IL1RAPL2: variants seen among roughly 807,000 people sequenced by gnomAD.
IL1RAPL2 encodes interleukin 1 receptor accessory protein like 2.
In IL1RAPL2, 3 loss-of-function variants were observed where a neutral mutation model predicts 44.1. The ratio of observed to expected loss-of-function variants is 0.07; its 90% CI spans 0.03 to 0.18. The LOEUF (loss-of-function observed/expected upper bound fraction) is 0.18, where lower values mean the gene tolerates loss of function less well. IL1RAPL2 is among the 10% of genes least tolerant of loss of function. The pLI is 1.00. For missense variants in IL1RAPL2, 391 were observed against 496.4 expected (o/e 0.79, Z 2.02); for synonymous variants, 181 against 178.8 (o/e 1.01, Z -0.10).
intron 2 of IL1RAPL2, among the ~76,000 whole-genome samples, chrX:104,820,245 A>G (rs181660967): frequency 3.1e-4 from 35 of 111,703 alleles, no homozygotes; most frequent in Non-Finnish European, 5.6e-4. Context: ...CTGGTTTTAA[A>G]CATCCGTTGT....
At chrX:104,984,355 A>C (rs2030521088) in intron 2 of IL1RAPL2, among the ~76,000 whole-genome samples, 1 of 111,649 alleles carries the variant, frequency 9.0e-6, no homozygotes, top group Non-Finnish European at 1.9e-5. Flanking sequence ...AAACCTCCCC[A>C]CTAGCTGCTT....
intron 5 of IL1RAPL2, among the ~76,000 whole-genome samples, chrX:105,415,499 A>T (rs1262612145): frequency 8.9e-6 from 1 of 112,025 alleles, no homozygotes; most frequent in Non-Finnish European, 1.9e-5. Context: ...TGCAACAGGA[A>T]CATGAAATTT....
chrX:104,621,843 T>C (rs1199501288), intron 1 of IL1RAPL2, among the ~76,000 whole-genome samples: 3 of 111,915 alleles, frequency 2.7e-5, no homozygotes, highest in Non-Finnish European at 5.6e-5. Flanking sequence ...CTTTCTCATA[T>C]GCTGTCAATG....
At chrX:104,729,623 C>T (rs1027565280) in intron 2 of IL1RAPL2, among the ~76,000 whole-genome samples, 4 of 108,297 alleles carry the variant, frequency 3.7e-5, no homozygotes, top group Non-Finnish European at 7.6e-5. Context: ...AAGCATAGTA[C>T]CCAATAGTTT....
At chrX:104,700,731 G>A (rs1414367570) in intron 2 of IL1RAPL2, among the ~76,000 whole-genome samples, 2 of 111,259 alleles carry the variant, frequency 1.8e-5, no homozygotes, top group African/African-American at 3.3e-5. Context: ...GATTATAAAA[G>A]ATGGCTTTCA....
chrX:105,611,132 T>C (rs1036950555), intron 6 of IL1RAPL2, among the ~76,000 whole-genome samples: 1 of 111,756 alleles, frequency 8.9e-6, no homozygotes, highest in African/African-American at 3.2e-5. Flanking sequence ...ACTAAAAATT[T>C]GAAAACAGAA....
chrX:105,619,206 A>T (rs2037401957), intron 6 of IL1RAPL2, among the ~76,000 whole-genome samples: 1 of 109,527 alleles, frequency 9.1e-6, no homozygotes, highest in South Asian at 4.0e-4. Flanking sequence ...TGAAACAGGG[A>T]AAAAAGGGTA....
intron 2 of IL1RAPL2, among the ~76,000 whole-genome samples, chrX:105,181,275 T>C (rs907446286): frequency 2.7e-5 from 3 of 112,160 alleles, no homozygotes; most frequent in Non-Finnish European, 3.8e-5. Context: ...ATCCAACTTT[T>C]CATTTTGTTG....
intron 2 of IL1RAPL2, among the ~76,000 whole-genome samples, chrX:104,674,393 G>T: frequency 8.9e-6 from 1 of 111,772 alleles, no homozygotes; most frequent in Non-Finnish European, 1.9e-5. Flanking sequence ...TTATATGCTA[G>T]ATTATTTATT....
rs1190622752 is a variant in IL1RAPL2, at chrX:105,225,206, C to T, written c.357-8612C>T. ...AAATGGATTGCTACATATATATGTA[C>T]TGTATACTTTTTTCTTGAGTAGGTT... On this transcript the variant is annotated intron_variant, in intron 3 of 10. Transcript: ENST00000372582. Among the ~76,000 whole-genome samples, 5 of 111,848 alleles carry T rather than the reference C, an allele frequency of 4.5e-5. No individual in the cohort carries two copies. In the East Asian group the frequency reaches 1.4e-3, roughly 31 times the overall value.
At chrX:105,592,985 G>A (rs767011919) in intron 6 of IL1RAPL2, among the ~76,000 whole-genome samples, 11 of 111,894 alleles carry the variant, frequency 9.8e-5, no homozygotes, top group Non-Finnish European at 2.1e-4. Context: ...CTCTAATGAG[G>A]TTGGGGAAAT....
chrX:105,647,583 G>T (rs2037615675), intron 6 of IL1RAPL2, among the ~76,000 whole-genome samples: 1 of 112,248 alleles, frequency 8.9e-6, no homozygotes, highest in African/African-American at 3.2e-5. Context: ...ACCTTCAGCA[G>T]CTAGGCTTAG....
In IL1RAPL2 at chrX:104,703,559, G is replaced by T. The variant is rs186202075; in HGVS notation, c.82+44564G>T. ...CTGTATCACCAGCACCTAGTAAAAA[G>T]CCTGTTCATAAATGTTCTATAAATG... On this transcript the variant is annotated intron_variant, in intron 2 of 10. Transcript: ENST00000372582. Among the ~76,000 whole-genome samples, 3 of 112,139 alleles carry T rather than the reference G, an allele frequency of 2.7e-5. 1 individual carries two copies. The South Asian group carries it at 1.1e-3, about 41-fold the overall frequency.
At chrX:104,609,791 G>T (rs1431341750) in intron 1 of IL1RAPL2, among the ~76,000 whole-genome samples, 2 of 111,728 alleles carry the variant, frequency 1.8e-5, no homozygotes, top group Non-Finnish European at 3.8e-5. Context: ...CCATGGGTTA[G>T]AACATGCTCC....
intron 4 of IL1RAPL2, among the ~76,000 whole-genome samples, chrX:105,256,431 C>A (rs1221422546): frequency 2.8e-5 from 3 of 108,894 alleles, no homozygotes; most frequent in Non-Finnish European, 5.7e-5. Flanking sequence ...TGGATTCAAG[C>A]AATTCTCCTA....
chrX:104,903,788 A>C (rs949070020), intron 2 of IL1RAPL2, among the ~76,000 whole-genome samples: 2 of 110,671 alleles, frequency 1.8e-5, no homozygotes, highest in African/African-American at 6.6e-5. Context: ...CGTGTTGCCC[A>C]GGCTGGTCAT....
chrX:105,467,103 A>G (rs911428269), intron 5 of IL1RAPL2, among the ~76,000 whole-genome samples: 4 of 111,805 alleles, frequency 3.6e-5, no homozygotes. Context: ...TTCCTAACAC[A>G]TGAACTTTTG....
chrX:105,447,334 A>T (rs1446463335), intron 5 of IL1RAPL2, among the ~76,000 whole-genome samples: 4 of 65,084 alleles, frequency 6.1e-5, no homozygotes, highest in Admixed American at 2.9e-4. Flanking sequence ...TATATATAAA[A>T]ATATAAATAT....
intron 2 of IL1RAPL2, among the ~76,000 whole-genome samples, chrX:105,148,480 C>T (rs144511320): frequency 0.027 from 3,031 of 111,217 alleles, 64 homozygotes; most frequent in Admixed American, 0.091. Flanking sequence ...AAAAAATTTC[C>T]AGCATTTTAT....
Sources: gnomAD v4.1 joint callset for allele counts (sites outside exome capture counted in the v4.1 genomes callset) on GRCh38, gnomAD v4.1.1 for gene constraint, MANE v1.5 for transcripts, NCBI Gene and HGNC (gene_info 2026-07-23, HGNC 2026-07-21) for gene names.